TMEM108: variants seen among roughly 807,000 people sequenced by gnomAD.
TMEM108 encodes the protein cancer/testis antigen 124.
A neutral mutation model predicts 35.1 loss-of-function variants in TMEM108; 12 were observed. The ratio of observed to expected loss-of-function variants is 0.34; its 90% CI spans 0.22 to 0.55. TMEM108 has a LOEUF of 0.55. Among genes scored for constraint, TMEM108 ranks in the 20% least tolerant of loss-of-function variants. The pLI, the probability that TMEM108 is intolerant of heterozygous loss-of-function variation, is 0.89. For synonymous variants in TMEM108, 287 were observed against 308.6 expected, an observed-to-expected ratio of 0.93 and a Z score of 0.73; for missense variants, 680 against 753.3, an observed-to-expected ratio of 0.90 and a Z score of 1.14.
chr3:133,229,535 G>A (rs934951166), intron 3 of TMEM108, among the ~76,000 whole-genome samples, 184 bp downstream of exon 3: 1 of 152,142 alleles, frequency 6.6e-6, no homozygotes, highest in Non-Finnish European at 1.5e-5. Flanking sequence ...CTGTTTTAAT[G>A]TTAATGCTGG....
chr3:133,364,219 C>T (rs2072438764), intron 3 of TMEM108, among the ~76,000 whole-genome samples: 1 of 152,236 alleles, frequency 6.6e-6, no homozygotes, highest in Admixed American at 6.5e-5. Flanking sequence ...AGTCTGGCCT[C>T]AGGGTCAGCC....
At chr3:133,366,006 G>A (rs369429506) in intron 3 of TMEM108, among the ~76,000 whole-genome samples, 3 of 152,310 alleles carry the variant, frequency 2.0e-5, no homozygotes. Flanking sequence ...AACAGTAATA[G>A]ACTTAGTTGT....
chr3:133,092,160 C>T (rs963786472), intron 2 of TMEM108, among the ~76,000 whole-genome samples: 3 of 152,166 alleles, frequency 2.0e-5, no homozygotes, highest in Admixed American at 2.0e-4. Flanking sequence ...AGGAAACAAC[C>T]CATCATTTGA....
chr3:133,306,489 T>C (rs2071039652), intron 3 of TMEM108, among the ~76,000 whole-genome samples: 1 of 152,136 alleles, frequency 6.6e-6, no homozygotes, highest in Non-Finnish European at 1.5e-5. Flanking sequence ...TTACATTAGG[T>C]ATTTCTCCTA....
intron 5 of TMEM108, 52 bp from the exon 6 acceptor site, chr3:133,395,810 GCC>G: frequency 6.9e-7 from 1 of 1,457,146 alleles, no homozygotes. Context: ...TTTAAGAATG[GCC>G]ACCTCTTAAG....
chr3:133,171,441 A>G (rs772892624), intron 2 of TMEM108, among the ~76,000 whole-genome samples: 3 of 152,188 alleles, frequency 2.0e-5, no homozygotes, highest in East Asian at 1.9e-4. Flanking sequence ...CAGTGGTGCA[A>G]TCATAGCTCA....
At chr3:133,209,241 C>T (rs1448546228) in intron 2 of TMEM108, among the ~76,000 whole-genome samples, 2 of 149,292 alleles carry the variant, frequency 1.3e-5, no homozygotes, top group Non-Finnish European at 3.0e-5. Context: ...TGGGGTTTTG[C>T]TATTTTGCCA....
chr3:133,044,685 G>A (rs990933996), intron 1 of TMEM108, among the ~76,000 whole-genome samples: 19 of 152,264 alleles, frequency 1.2e-4, no homozygotes, highest in South Asian at 2.1e-4. Context: ...TTGGTGGCTC[G>A]TGCCTTTGAG....
chr3:133,078,238 C>T (rs910642962), intron 2 of TMEM108, among the ~76,000 whole-genome samples: 2 of 151,098 alleles, frequency 1.3e-5, no homozygotes, highest in African/African-American at 4.9e-5. Flanking sequence ...TCCTGAGTTG[C>T]TTTTTGTGGA....
At chr3:133,202,532 C>T (rs4026034) in intron 2 of TMEM108, among the ~76,000 whole-genome samples, 2,291 of 152,218 alleles carry the variant, frequency 0.015, 77 homozygotes, top group African/African-American at 0.051. Context: ...TTTTGCAACA[C>T]CATTTATTAA....
chr3:133,174,381 C>G (rs1305942879), intron 2 of TMEM108, among the ~76,000 whole-genome samples: 2 of 152,214 alleles, frequency 1.3e-5, no homozygotes, highest in East Asian at 3.9e-4. Context: ...ACTGCCTCCT[C>G]AAGTGGGTCC....
intron 2 of TMEM108, among the ~76,000 whole-genome samples, chr3:133,135,014 A>G (rs1276123419): frequency 1.3e-5 from 2 of 152,164 alleles, no homozygotes; most frequent in Non-Finnish European, 2.9e-5. Flanking sequence ...ATTCAAAGAC[A>G]TATCTCTCTG....
intron 3 of TMEM108, among the ~76,000 whole-genome samples, chr3:133,360,676 G>A (rs1019390065): frequency 3.9e-5 from 6 of 152,172 alleles, no homozygotes; most frequent in South Asian, 2.1e-4. Flanking sequence ...CTTTTTGTGC[G>A]CTGTCTCTGA....
intron 2 of TMEM108, among the ~76,000 whole-genome samples, chr3:133,169,865 T>C (rs1362031348): frequency 1.3e-5 from 2 of 152,162 alleles, no homozygotes; most frequent in Admixed American, 6.5e-5. Context: ...AACACAGTGA[T>C]GCGAACAAAA....
At chr3:133,147,116 C>G (rs1944732547) in intron 2 of TMEM108, among the ~76,000 whole-genome samples, 1 of 152,198 alleles carries the variant, frequency 6.6e-6, no homozygotes, top group African/African-American at 2.4e-5. Context: ...ACATTTCCCT[C>G]TAAACACTGC....
In TMEM108 at chr3:133,390,172, C is replaced by T; in HGVS notation, c.1451-8C>T. 1 of 1,614,086 alleles carries T rather than the reference C, an allele frequency of 6.2e-7. No individual in the cohort carries two copies. The highest frequency in any genetic ancestry group is 8.5e-7 in the Non-Finnish European group (1 of 1,179,974). ...CCCTCTCCTCTCTGACTTGCACTCT[C>T]TCCATAGCTGTCCTGCTGACGGTGT... On this transcript the variant is annotated splice_polypyrimidine_tract_variant and splice_region_variant and intron_variant, in intron 4 of 5. Coordinates refer to ENST00000321871, the MANE Select transcript of TMEM108 (RefSeq NM_023943.4).
chr3:133,316,775 G>C (rs770703571), intron 3 of TMEM108, among the ~76,000 whole-genome samples: 1 of 152,214 alleles, frequency 6.6e-6, no homozygotes, highest in Non-Finnish European at 1.5e-5. Flanking sequence ...TGAGCATGCT[G>C]GTCCTCAGTT....
intron 2 of TMEM108, among the ~76,000 whole-genome samples, chr3:133,051,935 C>T (rs958235743): frequency 6.6e-6 from 1 of 152,136 alleles, no homozygotes; most frequent in African/African-American, 2.4e-5. Context: ...TAGTGTCAGT[C>T]TTTCAACTCA....
chr3:133,165,524 C>T (rs753272239), intron 2 of TMEM108, among the ~76,000 whole-genome samples: 17 of 152,116 alleles, frequency 1.1e-4, no homozygotes, highest in Non-Finnish European at 2.2e-4. Flanking sequence ...CTGTTTTGTG[C>T]ATATCTCACT....
Sources: gnomAD v4.1 joint callset for allele counts (sites outside exome capture counted in the v4.1 genomes callset) on GRCh38, gnomAD v4.1.1 for gene constraint, MANE v1.5 for transcripts, NCBI Gene and HGNC (gene_info 2026-07-23, HGNC 2026-07-21) for gene names.